Variants in LDLRAP1 observed in about 807,000 individuals in gnomAD.
LDLRAP1 encodes low density lipoprotein receptor adapter protein 1.
LDLRAP1 carries 30 observed loss-of-function variants against 37.8 expected under a neutral mutation model. The ratio of observed to expected loss-of-function variants is 0.79; its 90% CI spans 0.59 to 1.08. The LOEUF is 1.08. Among genes scored for constraint, LDLRAP1 ranks in the 50% least tolerant of loss-of-function variants. The pLI is 0.00. For synonymous variants in LDLRAP1, 156 were observed against 169.8 expected, an observed-to-expected ratio of 0.92 and a Z score of 0.63; for missense variants, 375 against 401.6, an observed-to-expected ratio of 0.93 and a Z score of 0.57.
chr1:25,564,124 C>A (rs1453452256), intron 7 of LDLRAP1: 1 of 373,476 alleles, frequency 2.7e-6, no homozygotes, highest in East Asian at 6.5e-5. Flanking sequence ...CACCCCTCCC[C>A]CTCAGCCGCC....
the LDLRAP1 span, among the ~76,000 whole-genome samples, chr1:25,582,550 A>C: frequency 1.3e-5 from 2 of 150,228 alleles, no homozygotes; most frequent in African/African-American, 2.5e-5. Context: ...GTGCCACTGC[A>C]CTCCAGCCTG....
chr1:25,588,029 A>C, the LDLRAP1 span, among the ~76,000 whole-genome samples: 2 of 152,186 alleles, frequency 1.3e-5, no homozygotes, highest in African/African-American at 2.4e-5. Context: ...CTCAGGGTTA[A>C]ATGGATTAAG....
Position 25,568,852 on chromosome 1 carries a change from AAAC to A in LDLRAP1, c.*1863_*1865del, listed in dbSNP as rs1026412211. The A allele has an allele frequency of 2.6e-5, 4 of 152,264 alleles. No individual in the cohort carries two copies. Among genetic ancestry groups the A allele is most frequent in the African/African-American group, 4.8e-5 (2 of 41,462 alleles). The allele number at this position is 152,264 out of a possible 1,614,324, so 9.4% of individuals were successfully genotyped here. A position where few individuals can be genotyped will look rare whatever the true frequency, so the allele number is the denominator to read the frequency against. ...TATTTGTGAAACTTTAATGAGGAAAAAACAAATAATAAATGTTCTCGTTTTGAA... is the reference window on the plus strand; with the variant it reads ...TATTTGTGAAACTTTAATGAGGAAAAAAATAATAAATGTTCTCGTTTTGAA... On this transcript the variant is annotated 3_prime_UTR_variant, in exon 9 of 9. Coordinates refer to ENST00000374338, the MANE Select transcript of LDLRAP1 (RefSeq NM_015627.3).
the LDLRAP1 span, among the ~76,000 whole-genome samples, chr1:25,588,835 TTC>T: frequency 1.3e-5 from 2 of 152,046 alleles, no homozygotes; most frequent in African/African-American, 4.8e-5. Flanking sequence ...CTCACAGAGG[TTC>T]TGTTTTTCCG....
rs941260772 is a variant in LDLRAP1, at chr1:25,567,272, T to C, written c.*280T>C. 1.0e-5 allele frequency: 5 copies of C among 499,428 alleles called. No homozygotes were observed. Among genetic ancestry groups the C allele is most frequent in the South Asian group, 8.0e-5 (4 of 49,858 alleles). 30.9% of individuals were successfully genotyped at this position (499,428 alleles called of 1,614,324 possible). ...CAGGCACGTCTCCTGCTGCGTGACA[T>C]GTGCAGTGCTGTAATCGGCTCCCGC... On this transcript the variant is annotated 3_prime_UTR_variant, in exon 9 of 9. Coordinates refer to ENST00000374338, the MANE Select transcript of LDLRAP1 (RefSeq NM_015627.3).
rs755296846 is a variant in LDLRAP1 at position 25,563,096 on chromosome 1, C to T, written c.559C>T (p.Gln187Ter). The T allele has an allele frequency of 1.2e-6, 2 of 1,613,936 alleles. No homozygotes were observed. Among genetic ancestry groups the T allele is most frequent in the African/African-American group, 2.7e-5 (2 of 74,884 alleles). Residue 187 changes from glutamine to a stop codon, truncating the protein, a stop_gained, in exon 6 of 9, where the codon CAA (glutamine) becomes TAA (stop). Coordinates refer to ENST00000374338, the MANE Select transcript of LDLRAP1 (RefSeq NM_015627.3). LOFTEE classifies it high-confidence loss of function. Reference protein sequence around the residue: ...EEKEKRDKASQEGGDVLGARQ... With the variant: ...EEKEKRDKAS ...GAAAGAGAAGAGGGACAAAGCCAGCCAAGAGGGAGGGGACGTCCTGGGGGC... is the reference window on the plus strand; with the variant it reads ...GAAAGAGAAGAGGGACAAAGCCAGCTAAGAGGGAGGGGACGTCCTGGGGGC...
chr1:25,579,801 G>A, the LDLRAP1 span, among the ~76,000 whole-genome samples: 1 of 83,326 alleles, frequency 1.2e-5, no homozygotes, highest in African/African-American at 3.1e-5. Context: ...TTAATTAGCT[G>A]TTTCACCACT....
chr1:25,566,389 T>A (rs3924486), intron 8 of LDLRAP1, among the ~76,000 whole-genome samples: 2 of 151,946 alleles, frequency 1.3e-5, no homozygotes, highest in African/African-American at 2.4e-5. Flanking sequence ...TAAGGGAAGC[T>A]GCTATAATTT....
chr1:25,544,187 G>A lies in LDLRAP1; in HGVS notation c.88+401G>A, dbSNP rs1003697105. 5.9e-5 allele frequency among the ~76,000 whole-genome samples: 9 copies of A among 152,114 alleles called. No homozygotes were observed. On this transcript the variant is annotated intron_variant, in intron 1 of 8. Transcript: ENST00000374338. This position sits in a 1 kb window ranked among gnomAD's most constrained non-coding sequence, Gnocchi z 4.8. ...AGGAGGAGAGGGCGCAGGGGCTTGG[G>A]AAGACGCCCCCGTCCCGCACCCCTG...
intron 1 of LDLRAP1, 96 bp downstream of exon 1, chr1:25,543,882 C>A (rs2043864270): frequency 2.6e-6 from 2 of 759,344 alleles, no homozygotes; most frequent in African/African-American, 1.8e-5. Context: ...TGGGCAGAGG[C>A]GGGGCCTCAC....
chr1:25,554,732 A>C lies in LDLRAP1; in HGVS notation c.232-128A>C, dbSNP rs374051893. On this transcript the variant is annotated intron_variant, in intron 2 of 8. Transcript: ENST00000374338. This position sits in a 1 kb window ranked among gnomAD's most constrained non-coding sequence, Gnocchi z 5.4. ...AGGTGCTGGCTGAGTGGTCTTGCCC[A>C]CACTGCTGCCAGTCACCTGAGCTGA... is the stretch of plus-strand genomic sequence containing the variant. The C allele has an allele frequency of 4.1e-6, 3 of 739,398 alleles. No individual in the cohort carries two copies. Among genetic ancestry groups the C allele is most frequent in the South Asian group, 1.5e-5 (1 of 67,784 alleles). The allele number at this position is 739,398 out of a possible 1,614,324, so 45.8% of individuals were successfully genotyped here. A position where few individuals can be genotyped will look rare whatever the true frequency, so the allele number is the denominator to read the frequency against.
the LDLRAP1 span, among the ~76,000 whole-genome samples, chr1:25,583,466 T>G: frequency 1.3e-5 from 2 of 152,116 alleles, no homozygotes; most frequent in South Asian, 4.1e-4. Context: ...GTGCTGGGAT[T>G]ATAGTCGTGA....
chr1:25,563,270 TTAAA>T, intron 6 of LDLRAP1, 117 bp downstream of exon 6: 1 of 748,586 alleles, frequency 1.3e-6, no homozygotes, highest in East Asian at 2.6e-5. Context: ...TTGTGTTTTG[TTAAA>T]TAAATAATAC....
intron 6 of LDLRAP1, among the ~76,000 whole-genome samples, chr1:25,563,392 A>C (rs933870433): frequency 2.6e-5 from 4 of 152,030 alleles, no homozygotes; most frequent in African/African-American, 9.6e-5. Flanking sequence ...ATATGCGTCT[A>C]TCTTTCTATA....
intron 4 of LDLRAP1, among the ~76,000 whole-genome samples, chr1:25,560,524 G>A (rs948376662): frequency 3.3e-5 from 5 of 152,198 alleles, no homozygotes; most frequent in Admixed American, 6.5e-5. Flanking sequence ...TGTCATGCAG[G>A]TGCTGGGCCT....
At chr1:25,573,572 A>AC (rs2044633367), downstream of LDLRAP1, among the ~76,000 whole-genome samples, 1 of 151,988 alleles carries the variant, frequency 6.6e-6, no homozygotes, top group Non-Finnish European at 1.5e-5. Flanking sequence ...GATGCAGCAG[A>AC]CCCCCTGGCA....
At chr1:25,574,690 G>A in the LDLRAP1 span, among the ~76,000 whole-genome samples, 5 of 152,150 alleles carry the variant, frequency 3.3e-5, no homozygotes, top group Admixed American at 6.5e-5. Context: ...CTGATGCAGC[G>A]AGTGTTCTGG....
At chr1:25,550,379 G>A (rs967865470) in intron 1 of LDLRAP1, among the ~76,000 whole-genome samples, 1 of 152,232 alleles carries the variant, frequency 6.6e-6, no homozygotes, top group Non-Finnish European at 1.5e-5. Context: ...TGTTAACCAC[G>A]AGGCTATATT....
the LDLRAP1 span, among the ~76,000 whole-genome samples, chr1:25,577,966 C>T: frequency 6.6e-6 from 1 of 152,184 alleles, no homozygotes; most frequent in East Asian, 1.9e-4. Flanking sequence ...TCATCAGTTA[C>T]ACAGGTCGGG....
Sources: gnomAD v4.1 joint callset for allele counts (sites outside exome capture counted in the v4.1 genomes callset) on GRCh38, gnomAD v4.1.1 for gene constraint, Gnocchi (gnomAD v3.1) non-coding constraint, MANE v1.5 for transcripts, NCBI Gene and HGNC (gene_info 2026-07-23, HGNC 2026-07-21) for gene names.